The following CCNDBP1 variants were observed in gnomAD, a reference collection of about 807,000 sequenced individuals.
The protein encoded by CCNDBP1 is cyclin-D1-binding protein 1.
CCNDBP1 carries 45 observed loss-of-function variants against 46.2 expected under a neutral mutation model. The observed-to-expected ratio is 0.97, with a 90% CI of 0.77 to 1.25. CCNDBP1 has a LOEUF of 1.25. CCNDBP1 is among the 50% of genes most tolerant of loss of function. The probability of loss-of-function intolerance (pLI) is 0.00; values close to 1 mark genes in which losing one functional copy is unlikely to be tolerated. For missense variants in CCNDBP1, 436 were observed against 442.1 expected (o/e 0.99, Z 0.12); for synonymous variants, 154 against 163.6 (o/e 0.94, Z 0.45).
At chr15:43,185,678 TC>T in intron 1 of CCNDBP1, 71 bp downstream of exon 1, 1 of 907,816 alleles carries the variant, frequency 1.1e-6, no homozygotes, top group South Asian at 1.5e-5. Flanking sequence ...GGGCTCGGGG[TC>T]GGGGAGAGGC....
Position 43,190,996 on chromosome 15 carries a change from C to A in CCNDBP1, c.533C>A (p.Thr178Asn). 1 of 1,614,016 alleles carries A rather than the reference C, an allele frequency of 6.2e-7. No individual in the cohort carries two copies. The highest frequency in any genetic ancestry group is 8.5e-7 in the Non-Finnish European group (1 of 1,179,966). ...AAAGCTGCAGCTCTTTTGATGCTGA[C>A]CAAGAATGTGGATTTTGTGAAGGAT... Reference protein sequence around the residue: ...DNKAAALLMLTKNVDFVKDAH... With the variant: ...DNKAAALLMLNKNVDFVKDAH... Residue 178 changes from threonine to asparagine, a missense_variant, in exon 7 of 11, where the codon ACC becomes AAC. Thr to Asn is a moderately conservative substitution (Grantham distance 65). Transcript: ENST00000300213.
chr15:43,193,892 T>C (rs971597218), intron 9 of CCNDBP1, among the ~76,000 whole-genome samples: 1 of 152,260 alleles, frequency 6.6e-6, no homozygotes, highest in Non-Finnish European at 1.5e-5. Flanking sequence ...GAAATAAACA[T>C]TTTTAGCAAT....
chr15:43,189,120 G>GAAAA, intron 3 of CCNDBP1, 79 bp from the exon 4 acceptor site: 3 of 275,422 alleles, frequency 1.1e-5, no homozygotes, highest in South Asian at 7.0e-5. Flanking sequence ...AGAAAGAAAA[G>GAAAA]AAAAAGAAAA....
At position 43,196,022 on chromosome 15, in the gene CCNDBP1, T is replaced by A. The variant is rs1356747719; in HGVS notation, c.*1181T>A. On this transcript the variant is annotated 3_prime_UTR_variant, in exon 11 of 11. Transcript: ENST00000300213. ...CAACAAAATAACATAAACAAAATAA[T>A]AACATTGTACAACAGTCTAGTTCTT... is the stretch of plus-strand genomic sequence containing the variant. 1 of 151,196 alleles carries A rather than the reference T, an allele frequency of 6.6e-6. No homozygotes were observed. Among genetic ancestry groups the A allele is most frequent in the Non-Finnish European group, 1.5e-5 (1 of 68,022 alleles). The allele number at this position is 151,196 out of a possible 1,614,324, so 9.4% of individuals were successfully genotyped here. A position where few individuals can be genotyped will look rare whatever the true frequency, so the allele number is the denominator to read the frequency against.
chr15:43,188,326 TAAAA>T (rs1310113855), intron 3 of CCNDBP1: 1 of 152,160 alleles, frequency 6.6e-6, no homozygotes, highest in Non-Finnish European at 1.5e-5. Flanking sequence ...CTGATTCTGT[TAAAA>T]AAAGAGAGAG....
chr15:43,185,508 G>A lies in CCNDBP1; in HGVS notation c.10G>A (p.Ala4Thr). The A allele has an allele frequency of 2.5e-6, 4 of 1,591,936 alleles. No homozygotes were observed. Among genetic ancestry groups the A allele is most frequent in the Non-Finnish European group, 3.4e-6 (4 of 1,172,516 alleles). Reference protein sequence around the residue: MASATAPAAAVPTL... With the variant: MASTTAPAAAVPTL... ...TCGGCAAGCGACTGAGATGGCGAGCGCAACTGCACCTGCAGCCGCAGTCCC... is the reference window on the plus strand; with the variant it reads ...TCGGCAAGCGACTGAGATGGCGAGCACAACTGCACCTGCAGCCGCAGTCCC... Residue 4 changes from alanine (A) to threonine (T), a missense_variant, in exon 1 of 11, where the codon GCA (alanine) becomes ACA (threonine). Coordinates refer to ENST00000300213, the MANE Select transcript of CCNDBP1 (RefSeq NM_012142.5).
chr15:43,189,984 T>C (rs1261180360), intron 4 of CCNDBP1, 71 bp from the exon 5 acceptor site: 1 of 1,324,104 alleles, frequency 7.6e-7, no homozygotes, highest in African/African-American at 1.4e-5. Flanking sequence ...TCTGTAATGC[T>C]TAGACTCAGG....
intron 1 of CCNDBP1, 42 bp downstream of exon 1, chr15:43,185,649 T>C: frequency 1.9e-6 from 1 of 521,286 alleles, no homozygotes; most frequent in Non-Finnish European, 3.1e-6. Flanking sequence ...AGGGGCGGGC[T>C]CGGGGTCGGG....
At chr15:43,189,923 T>C in intron 4 of CCNDBP1, 132 bp from the exon 5 acceptor site, 3 of 688,750 alleles carry the variant, frequency 4.4e-6, no homozygotes, top group Non-Finnish European at 7.3e-6. Context: ...AAGACCTGAG[T>C]TTTGTGTTAG....
intron 6 of CCNDBP1, 121 bp from the exon 7 acceptor site, chr15:43,190,845 C>T: frequency 1.3e-6 from 1 of 740,744 alleles, no homozygotes. Context: ...ATTAAACCCG[C>T]ACCCTTGTCA....
intron 3 of CCNDBP1, among the ~76,000 whole-genome samples, chr15:43,186,646 C>T (rs2041847510): frequency 6.6e-6 from 1 of 152,148 alleles, no homozygotes; most frequent in Non-Finnish European, 1.5e-5. Flanking sequence ...TTCTGTTATA[C>T]TGCATAATAC....
In CCNDBP1 at chr15:43,191,393, A is replaced by C; in HGVS notation, c.580-2A>C. 9.2e-7 allele frequency: 1 copy of C among 1,082,032 alleles called. No individual in the cohort carries two copies. Among genetic ancestry groups the C allele is most frequent in the South Asian group, 1.2e-5 (1 of 80,924 alleles). The allele number at this position is 1,082,032 out of a possible 1,614,324, so 67.0% of individuals were successfully genotyped here. A position where few individuals can be genotyped will look rare whatever the true frequency, so the allele number is the denominator to read the frequency against. ...ATTCACATACATCATGGTATGTCTTAGGCTGTGGAAGAATGTGACCCTTAC... is the reference window on the plus strand; with the variant it reads ...ATTCACATACATCATGGTATGTCTTCGGCTGTGGAAGAATGTGACCCTTAC... On this transcript the variant is annotated splice_acceptor_variant, in intron 7 of 10. Coordinates refer to ENST00000300213, the MANE Select transcript of CCNDBP1 (RefSeq NM_012142.5). LOFTEE classifies it high-confidence loss of function.
rs750169685 is a variant in CCNDBP1, at chr15:43,185,855, C to T, written c.145C>T (p.Arg49Ter). The T allele has an allele frequency of 6.2e-7, 1 of 1,611,748 alleles. No individual in the cohort carries two copies. ...CCAGGAGACCACCGAGGAGTTTAAT[C>T]GAGAGATGTTCTGGAGAAGACTCAG... ...EAQETTEEFN[R>*]EMFWRRLNEA... is the part of the protein sequence containing the mutation. The change falls in exon 2 of 11, where the codon CGA (arginine) becomes TGA (stop). Residue 49 changes from arginine (R) to a stop codon, truncating the protein, a stop_gained. Transcript: ENST00000300213. LOFTEE classifies it high-confidence loss of function.
rs1232112243 is a variant in CCNDBP1 at position 43,185,844 on chromosome 15, A to T, written c.134A>T (p.Glu45Val). The change falls in exon 2 of 11, where the codon GAG becomes GTG. Residue 45 changes from glutamate (E) to valine (V), a missense_variant. Transcript: ENST00000300213. ...VRVGEAQETT[E>V]EFNREMFWRR... is the part of the protein sequence containing the mutation. ...GTCGGCGAAGCCCAGGAGACCACCG[A>T]GGAGTTTAATCGAGAGATGTTCTGG... The T allele has an allele frequency of 1.2e-6, 2 of 1,611,624 alleles. No homozygotes were observed. Among genetic ancestry groups the T allele is most frequent in the East Asian group, 4.5e-5 (2 of 44,866 alleles).
intron 3 of CCNDBP1, among the ~76,000 whole-genome samples, chr15:43,187,459 G>A (rs1248724326): frequency 2.6e-5 from 4 of 151,892 alleles, no homozygotes; most frequent in African/African-American, 4.8e-5. Flanking sequence ...TAGTTGAGAC[G>A]GGGTTTCACC....
intron 2 of CCNDBP1, 56 bp downstream of exon 2, chr15:43,185,935 C>T: frequency 2.0e-6 from 3 of 1,525,838 alleles, no homozygotes; most frequent in East Asian, 2.3e-5. Context: ...CGTCCCGACC[C>T]CTTTTCCTCC....
intron 9 of CCNDBP1, chr15:43,193,394 A>C (rs1349737945): frequency 1.4e-5 from 2 of 145,726 alleles, no homozygotes; most frequent in African/African-American, 5.0e-5. Flanking sequence ...TCTTAATTAC[A>C]CGGTAATTTA....
In CCNDBP1 at chr15:43,185,567, C is replaced by G; in HGVS notation, c.69C>G (p.His23Gln). The G allele has an allele frequency of 1.3e-6, 2 of 1,587,462 alleles. No homozygotes were observed. The highest frequency in any genetic ancestry group is 1.1e-5 in the South Asian group (1 of 87,754). Residue 23 changes from histidine (H) to glutamine (Q), a missense_variant, in exon 1 of 11, where the codon CAC becomes CAG. By Grantham distance (24) the His-to-Gln change is conservative. Coordinates refer to ENST00000300213, the MANE Select transcript of CCNDBP1 (RefSeq NM_012142.5). Reference protein sequence around the residue: ...TLASPLEQLRHLAEELRLLLP... With the variant: ...TLASPLEQLRQLAEELRLLLP... Reference sequence around the variant, plus strand: ...CTTCGCCTTTGGAGCAGCTCCGGCACTTGGCGGAGGAGCTGCGGTTGCTCC... The same window carrying G: ...CTTCGCCTTTGGAGCAGCTCCGGCAGTTGGCGGAGGAGCTGCGGTTGCTCC...
intron 4 of CCNDBP1, 136 bp downstream of exon 4, chr15:43,189,416 G>A: frequency 5.4e-6 from 3 of 558,248 alleles, no homozygotes; most frequent in Non-Finnish European, 9.4e-6. Context: ...ATTTTGTAAT[G>A]TAAGTGACTT....
Sources: allele counts gnomAD v4.1 joint callset (sites outside exome capture counted in the v4.1 genomes callset), GRCh38; gene constraint gnomAD v4.1.1; transcripts MANE v1.5; gene names NCBI Gene and HGNC (gene_info 2026-07-23, HGNC 2026-07-21).